ABLIM2: variants seen among roughly 807,000 people sequenced by gnomAD.
ABLIM2 encodes the protein actin-binding LIM protein 2.
ABLIM2 carries 53 observed loss-of-function variants against 97.7 expected under a neutral mutation model. The observed-to-expected ratio is 0.54, with a 90% CI of 0.44 to 0.68. The LOEUF is 0.68. Ranked by LOEUF, ABLIM2 falls within the 30% of genes least tolerant of loss-of-function variation. The pLI is 0.00. For missense variants in ABLIM2, 835 were observed against 867.2 expected (o/e 0.96, Z 0.47); for synonymous variants, 361 against 345.8 (o/e 1.04, Z -0.49).
At chr4:7,983,673 A>G (rs1577901839) in intron 18 of ABLIM2, 119 bp from the exon 19 acceptor site, 1 of 1,252,092 alleles carries the variant, frequency 8.0e-7, no homozygotes, top group Non-Finnish European at 1.1e-6. Flanking sequence ...CACCTGGGCC[A>G]TGCATGGTCC....
At chr4:8,045,365 G>T in intron 8 of ABLIM2, 124 bp from the exon 9 acceptor site, 1 of 909,904 alleles carries the variant, frequency 1.1e-6, no homozygotes, top group Non-Finnish European at 1.8e-6. Flanking sequence ...TAAAGTTGGG[G>T]CTGGGCCGGG....
chr4:7,977,884 C>A (rs1734830634), intron 20 of ABLIM2, among the ~76,000 whole-genome samples: 1 of 151,990 alleles, frequency 6.6e-6, no homozygotes, highest in Non-Finnish European at 1.5e-5. Context: ...AATTTGAAAG[C>A]AAAAAGCAGG....
intron 5 of ABLIM2, among the ~76,000 whole-genome samples, chr4:8,079,702 C>T (rs1818519070): frequency 6.6e-6 from 1 of 152,180 alleles, no homozygotes; most frequent in Non-Finnish European, 1.5e-5. Context: ...GGCACATCCA[C>T]CGACGTGATT....
intron 20 of ABLIM2, among the ~76,000 whole-genome samples, chr4:7,971,848 C>A (rs1189577115): frequency 6.6e-6 from 1 of 152,162 alleles, no homozygotes; most frequent in South Asian, 2.1e-4. Context: ...CACAGCCACC[C>A]CTCTGTACCA....
At position 8,072,325 on chromosome 4, in the gene ABLIM2, G is replaced by C. The variant is rs533558531; in HGVS notation, c.675+5303C>G. On this transcript the variant is annotated intron_variant, in intron 6 of 20. Coordinates refer to ENST00000447017, the MANE Select transcript of ABLIM2 (RefSeq NM_001130083.2). The surrounding 1 kb of genome is among the most constrained non-coding windows in gnomAD (Gnocchi z 5.8). ...CTCCCAATCCATCAAGGGGAGGGGG[G>C]GCTGCCTGATGAAACCCACTTTGCT... is the stretch of plus-strand genomic sequence containing the variant. 6.6e-6 allele frequency among the ~76,000 whole-genome samples: 1 copy of C among 150,924 alleles called. No homozygotes were observed. The highest frequency in any genetic ancestry group is 1.5e-5 in the Non-Finnish European group (1 of 68,028).
chr4:8,024,530 T>C (rs1259140029), intron 12 of ABLIM2, among the ~76,000 whole-genome samples: 1 of 152,068 alleles, frequency 6.6e-6, no homozygotes, highest in African/African-American at 2.4e-5. Context: ...CAGGAAGGGC[T>C]TTCCCAGAGG....
At chr4:8,051,887 G>C (rs888655450) in intron 8 of ABLIM2, among the ~76,000 whole-genome samples, 5 of 152,154 alleles carry the variant, frequency 3.3e-5, no homozygotes, top group Admixed American at 2.0e-4. Flanking sequence ...TGACACGCCT[G>C]GTCAAACCAA....
At chr4:8,109,025 G>C (rs887011163) in intron 1 of ABLIM2, among the ~76,000 whole-genome samples, 1 of 152,236 alleles carries the variant, frequency 6.6e-6, no homozygotes, top group Non-Finnish European at 1.5e-5. Context: ...ATGTGGGAGA[G>C]GGAACTCACT....
In ABLIM2 at chr4:8,032,499, G is replaced by A; in HGVS notation, c.1048-2723C>T. The A allele has an allele frequency of 2.3e-6, 2 of 885,972 alleles. No individual in the cohort carries two copies. Among genetic ancestry groups the A allele is most frequent in the Non-Finnish European group, 3.6e-6 (2 of 558,906 alleles). 54.9% of individuals were successfully genotyped at this position (885,972 alleles called of 1,614,324 possible). A position where few individuals can be genotyped will look rare whatever the true frequency, so the allele number is the denominator to read the frequency against. Reference sequence around the variant, plus strand: ...ATAAAAATAACCAGCAGCCAGGAGGGTGCCCCATGTCACAAGGGCCGTGGC... The same window carrying A: ...ATAAAAATAACCAGCAGCCAGGAGGATGCCCCATGTCACAAGGGCCGTGGC... On this transcript the variant is annotated intron_variant, in intron 10 of 20. Coordinates refer to ENST00000447017, the MANE Select transcript of ABLIM2 (RefSeq NM_001130083.2). The surrounding 1 kb of genome is among the most constrained non-coding windows in gnomAD (Gnocchi z 4.3).
Position 8,071,818 on chromosome 4 carries a change from G to A in ABLIM2, c.675+5810C>T. ...CCCAGTCTGACGGCCCTGCTTGAGT[G>A]CCGTGCTCCCTGGAACGTGTGCCTG... On this transcript the variant is annotated intron_variant, in intron 6 of 20. Transcript: ENST00000447017. This position sits in a 1 kb window ranked among gnomAD's most constrained non-coding sequence, Gnocchi z 6.2. 1 of 985,390 alleles carries A rather than the reference G, an allele frequency of 1.0e-6. No homozygotes were observed. The allele number at this position is 985,390 out of a possible 1,614,324, so 61.0% of individuals were successfully genotyped here.
intron 14 of ABLIM2, among the ~76,000 whole-genome samples, chr4:8,017,301 ATTTT>A (rs199555557): frequency 7.5e-6 from 1 of 133,174 alleles, no homozygotes; most frequent in Non-Finnish European, 1.6e-5. Flanking sequence ...TATTATTATT[ATTTT>A]TTTTTTTCAG....
At position 8,080,910 on chromosome 4, in the gene ABLIM2, C is replaced by T. The variant is rs372386495; in HGVS notation, c.455-108G>A. 806 of 1,378,766 alleles carry T rather than the reference C, an allele frequency of 5.8e-4. 6 individuals are homozygous for T. The highest frequency in any genetic ancestry group is 4.1e-3 in the Middle Eastern group (15 of 3,670). 85.4% of individuals were successfully genotyped at this position (1,378,766 alleles called of 1,614,324 possible). A position where few individuals can be genotyped will look rare whatever the true frequency, so the allele number is the denominator to read the frequency against. The stretch of plus-strand genomic sequence containing the variant: ...AGGCCCCTGGGGCAGCCGGGAGGGG[C>T]GGGACAGACCAGCAGCCACAGCGAG... On this transcript the variant is annotated intron_variant, in intron 4 of 20. Coordinates refer to ENST00000447017, the MANE Select transcript of ABLIM2 (RefSeq NM_001130083.2).
intron 17 of ABLIM2, among the ~76,000 whole-genome samples, chr4:7,987,532 C>T (rs1745312691): frequency 6.6e-6 from 1 of 152,248 alleles, no homozygotes. Flanking sequence ...ATGGCCTTGT[C>T]TTTGCCACCT....
In ABLIM2 at chr4:8,003,556, GTTTTC is replaced by G. The variant is rs1336807451; in HGVS notation, c.1618+4498_1618+4502del. Among the ~76,000 whole-genome samples, 1 of 142,612 alleles carries G rather than the reference GTTTTC, an allele frequency of 7.0e-6. No individual in the cohort carries two copies. Among genetic ancestry groups the G allele is most frequent in the Non-Finnish European group, 1.5e-5 (1 of 65,542 alleles). The allele number at this position is 142,612 out of a possible 152,430, so 93.6% of individuals were successfully genotyped here. ...TCTGGACCACTACGCTCTTCTTCCAGTTTTCTTTTTTTTTTTTTTTTTTTTTGGAG... is the reference window on the plus strand; with the variant it reads ...TCTGGACCACTACGCTCTTCTTCCAGTTTTTTTTTTTTTTTTTTTTTGGAG... On this transcript the variant is annotated intron_variant, in intron 16 of 20. Transcript: ENST00000447017. This position sits in a 1 kb window ranked among gnomAD's most constrained non-coding sequence, Gnocchi z 4.2.
At chr4:8,038,868 A>G (rs542041802) in intron 9 of ABLIM2, among the ~76,000 whole-genome samples, 50 of 152,192 alleles carry the variant, frequency 3.3e-4, no homozygotes, top group African/African-American at 1.2e-3. Context: ...CCACTTATCC[A>G]TGCCACTTAG....
At position 7,992,545 on chromosome 4, in the gene ABLIM2, C is replaced by A. The variant is rs148293701; in HGVS notation, c.1680+321G>T. 3.9e-5 allele frequency among the ~76,000 whole-genome samples: 6 copies of A among 152,032 alleles called. No homozygotes were observed. Among genetic ancestry groups the A allele is most frequent in the African/African-American group, 1.2e-4 (5 of 41,404 alleles). On this transcript the variant is annotated intron_variant, in intron 17 of 20. Transcript: ENST00000447017. This position sits in a 1 kb window ranked among gnomAD's most constrained non-coding sequence, Gnocchi z 5.7. The stretch of plus-strand genomic sequence containing the variant: ...GCTCTGTGCCATAGGAGGACGAAGA[C>A]GGTTAGGAGGGGCATCTTGGAGCTG...
intron 9 of ABLIM2, among the ~76,000 whole-genome samples, chr4:8,039,775 C>T (rs1786930300): frequency 6.6e-6 from 1 of 151,870 alleles, no homozygotes; most frequent in African/African-American, 2.4e-5. Flanking sequence ...ATTACACACA[C>T]ACAGAAGCGA....
intron 10 of ABLIM2, among the ~76,000 whole-genome samples, chr4:8,030,281 T>C (rs1780084654): frequency 6.6e-6 from 1 of 152,070 alleles, no homozygotes; most frequent in Non-Finnish European, 1.5e-5. Flanking sequence ...AGCACCGACA[T>C]GGCAGACTTC....
In ABLIM2 at chr4:8,056,995, A is replaced by G. The variant is rs537560124; in HGVS notation, c.764-2749T>C. On this transcript the variant is annotated intron_variant, in intron 7 of 20. Coordinates refer to ENST00000447017, the MANE Select transcript of ABLIM2 (RefSeq NM_001130083.2). ...TCCCAGTTAATTAAATTAAATATCA[A>G]AACATGCAACTTTAAGGGCTATACA... Among the ~76,000 whole-genome samples the G allele has an allele frequency of 4.6e-5, 7 of 151,414 alleles. No homozygotes were observed. The East Asian group carries it at 1.2e-3, about 25-fold the overall frequency.
Sources: allele counts gnomAD v4.1 joint callset (sites outside exome capture counted in the v4.1 genomes callset), GRCh38; gene constraint gnomAD v4.1.1; non-coding constraint Gnocchi (gnomAD v3.1); transcripts MANE v1.5; gene names NCBI Gene and HGNC (gene_info 2026-07-23, HGNC 2026-07-21).